The following PCDH11X variants were observed in gnomAD, a reference collection of about 807,000 sequenced individuals.
PCDH11X encodes protocadherin 11 X-linked.
A neutral mutation model predicts 53.3 loss-of-function variants in PCDH11X; 18 were observed. The ratio of observed to expected loss-of-function variants is 0.34; its 90% CI spans 0.23 to 0.50. The LOEUF (loss-of-function observed/expected upper bound fraction) is 0.50, where lower values mean the gene tolerates loss of function less well. Ranked by LOEUF, PCDH11X falls within the 20% of genes least tolerant of loss-of-function variation. The pLI, the probability that PCDH11X is intolerant of heterozygous loss-of-function variation, is 0.98. For missense variants in PCDH11X, 570 were observed against 1,032.4 expected, an observed-to-expected ratio of 0.55 and a Z score of 6.14; for synonymous variants, 279 against 393.3, an observed-to-expected ratio of 0.71 and a Z score of 3.44.
chrX:92,101,630 C>G (rs5984880), intron 6 of PCDH11X, among the ~76,000 whole-genome samples: 3,754 of 108,475 alleles, frequency 0.035, 201 homozygotes, highest in African/African-American at 0.12. Flanking sequence ...TCTGACAGAA[C>G]GGAAGAAATG....
intron 10 of PCDH11X, among the ~76,000 whole-genome samples, chrX:92,596,683 G>GA (rs1925640507): frequency 9.4e-6 from 1 of 106,567 alleles, no homozygotes; most frequent in African/African-American, 3.5e-5. Context: ...TAGAGGATGA[G>GA]AAAATACTTC....
At chrX:92,224,033 T>C (rs778672441) in intron 7 of PCDH11X, among the ~76,000 whole-genome samples, 1 of 111,943 alleles carries the variant, frequency 8.9e-6, no homozygotes, top group South Asian at 3.8e-4. Flanking sequence ...TTTGCCTTTT[T>C]GTGTAGAAGA....
At chrX:92,611,668 A>G (rs1694899222) in intron 10 of PCDH11X, among the ~76,000 whole-genome samples, 1 of 103,621 alleles carries the variant, frequency 9.7e-6, no homozygotes. Flanking sequence ...CTAGCTTTCA[A>G]AAGAATGCTT....
At chrX:92,152,463 C>T (rs1333652051) in intron 6 of PCDH11X, among the ~76,000 whole-genome samples, 3 of 111,750 alleles carry the variant, frequency 2.7e-5, no homozygotes, top group African/African-American at 9.7e-5. Context: ...TTCATGAACA[C>T]TTCTTGATTA....
intron 8 of PCDH11X, among the ~76,000 whole-genome samples, chrX:92,382,786 C>A (rs2070908574): frequency 9.3e-6 from 1 of 107,549 alleles, no homozygotes; most frequent in South Asian, 3.9e-4. Flanking sequence ...TATTTCCATC[C>A]CATAAAGTCA....
intron 7 of PCDH11X, among the ~76,000 whole-genome samples, chrX:92,262,180 C>G (rs182705614): frequency 2.7e-5 from 3 of 110,888 alleles, no homozygotes. Context: ...ACTATGTTGA[C>G]TCTATTTCTC....
At chrX:91,846,600 AGAGT>A (rs1243052446) in intron 5 of PCDH11X, among the ~76,000 whole-genome samples, 1 of 108,182 alleles carries the variant, frequency 9.2e-6, no homozygotes, top group Non-Finnish European at 1.9e-5. Flanking sequence ...CCTGGGCGAC[AGAGT>A]AAGACTCCAT....
At chrX:92,335,143 G>C (rs772618349) in intron 8 of PCDH11X, among the ~76,000 whole-genome samples, 6 of 109,920 alleles carry the variant, frequency 5.5e-5, no homozygotes, top group African/African-American at 1.7e-4. Flanking sequence ...TTAGCATGAA[G>C]ACAAGGAATT....
At chrX:92,170,856 A>T (rs2065813095) in intron 6 of PCDH11X, among the ~76,000 whole-genome samples, 1 of 93,551 alleles carries the variant, frequency 1.1e-5, no homozygotes, top group Admixed American at 1.1e-4. Flanking sequence ...CAATGGTGCA[A>T]TCTCGGCTCA....
intron 6 of PCDH11X, among the ~76,000 whole-genome samples, chrX:91,980,458 G>T (rs929052919): frequency 1.8e-5 from 2 of 109,284 alleles, no homozygotes; most frequent in African/African-American, 6.7e-5. Flanking sequence ...TAAAAAGCTG[G>T]AGGGTTTTTT....
chrX:91,836,951 G>C (rs1182908447), intron 5 of PCDH11X, among the ~76,000 whole-genome samples: 2 of 109,486 alleles, frequency 1.8e-5, no homozygotes, highest in African/African-American at 6.6e-5. Flanking sequence ...GCACTTGAAT[G>C]ATCTTGGAAA....
At chrX:91,889,596 AGCCAGCGCACCT>A in intron 6 of PCDH11X, among the ~76,000 whole-genome samples, 1 of 112,600 alleles carries the variant, frequency 8.9e-6, no homozygotes, top group East Asian at 2.8e-4. Flanking sequence ...TACAGGCGTG[AGCCAGCGCACCT>A]GGCCAAATAA....
At chrX:91,935,756 A>G (rs5941029) in intron 6 of PCDH11X, among the ~76,000 whole-genome samples, 42,194 of 107,469 alleles carry the variant, frequency 0.39, 6,376 homozygotes, top group East Asian at 0.61. Context: ...GAGACATAAT[A>G]CATAAATCAA....
At chrX:92,506,545 C>T (rs1467835427) in intron 10 of PCDH11X, among the ~76,000 whole-genome samples, 3 of 104,368 alleles carry the variant, frequency 2.9e-5, no homozygotes, top group Non-Finnish European at 3.9e-5. Flanking sequence ...TTTTTTATTT[C>T]CATATGTTGC....
At chrX:92,478,165 A>G (rs1439949972) in intron 10 of PCDH11X, among the ~76,000 whole-genome samples, 1 of 111,170 alleles carries the variant, frequency 9.0e-6, no homozygotes, top group Non-Finnish European at 1.9e-5. Context: ...GCCTTCTGCT[A>G]TGATTATAAG....
chrX:92,241,465 A>G (rs776882393), intron 7 of PCDH11X, among the ~76,000 whole-genome samples: 1 of 112,400 alleles, frequency 8.9e-6, no homozygotes, highest in African/African-American at 3.2e-5. Context: ...AATGAAGTCC[A>G]AATAAAATAG....
At chrX:92,072,214 T>C (rs2063712473) in intron 6 of PCDH11X, among the ~76,000 whole-genome samples, 1 of 110,503 alleles carries the variant, frequency 9.0e-6, no homozygotes, top group African/African-American at 3.3e-5. Context: ...GCCAAGGGCA[T>C]GTCTAGAAAT....
At chrX:91,874,646 A>C (rs1939498658) in intron 5 of PCDH11X, among the ~76,000 whole-genome samples, 1 of 91,843 alleles carries the variant, frequency 1.1e-5, no homozygotes, top group Admixed American at 1.3e-4. Flanking sequence ...TAAAAGTATA[A>C]GTGAATCTCA....
intron 6 of PCDH11X, among the ~76,000 whole-genome samples, chrX:92,060,328 T>A (rs1392541282): frequency 1.0e-5 from 1 of 100,188 alleles, no homozygotes; most frequent in Non-Finnish European, 2.0e-5. Context: ...GGGAATTAAT[T>A]TTTTTGCAAA....
Sources: allele counts gnomAD v4.1 joint callset (sites outside exome capture counted in the v4.1 genomes callset), GRCh38; gene constraint gnomAD v4.1.1; transcripts MANE v1.5; gene names NCBI Gene and HGNC (gene_info 2026-07-23, HGNC 2026-07-21).